The following CFAP44 variants were observed in gnomAD, a reference collection of about 807,000 sequenced individuals.
The protein encoded by CFAP44 is cilia- and flagella-associated protein 44.
A neutral mutation model predicts 216.2 loss-of-function variants in CFAP44; 134 were observed. The ratio of observed to expected loss-of-function variants is 0.62; its 90% CI spans 0.54 to 0.72. CFAP44 has a LOEUF of 0.72. Among genes scored for constraint, CFAP44 ranks in the 30% least tolerant of loss-of-function variants. The pLI is 0.00. For synonymous variants in CFAP44, 700 were observed against 727.6 expected (o/e 0.96, Z 0.61); for missense variants, 2,035 against 2,182.1 (o/e 0.93, Z 1.34).
chr3:113,419,026 C>A (rs1184597653), intron 5 of CFAP44, among the ~76,000 whole-genome samples: 1 of 152,150 alleles, frequency 6.6e-6, no homozygotes, highest in Non-Finnish European at 1.5e-5. Context: ...CTTGACCACA[C>A]TACACCTCTG....
At chr3:113,395,291 G>T (rs1933958771) in intron 15 of CFAP44, among the ~76,000 whole-genome samples, 2 of 152,124 alleles carry the variant, frequency 1.3e-5, no homozygotes, top group African/African-American at 4.8e-5. Context: ...TAAGAAAGAA[G>T]AAATAAAAGG....
chr3:113,311,523 A>G (rs1034668804), intron 28 of CFAP44, among the ~76,000 whole-genome samples: 4 of 152,138 alleles, frequency 2.6e-5, no homozygotes, highest in African/African-American at 9.7e-5. Flanking sequence ...CATGTTTCTG[A>G]GGCATCCCCA....
chr3:113,429,017 A>G (rs1487512550), intron 2 of CFAP44: 4 of 152,280 alleles, frequency 2.6e-5, no homozygotes, highest in African/African-American at 9.6e-5. Flanking sequence ...TGAGAACACT[A>G]TAAGAAAGCC....
At chr3:113,308,299 G>C in intron 28 of CFAP44, 31 bp from the exon 29 acceptor site, 1 of 1,474,222 alleles carries the variant, frequency 6.8e-7, no homozygotes, top group East Asian at 2.5e-5. Context: ...TGTTAACAAA[G>C]AAGCTTCTAT....
intron 32 of CFAP44, among the ~76,000 whole-genome samples, chr3:113,302,839 G>T (rs1949951978): frequency 6.7e-6 from 1 of 150,258 alleles, no homozygotes; most frequent in Admixed American, 6.6e-5. Context: ...GAGATTTGCA[G>T]TGCATTCAAT....
intron 16 of CFAP44, 36 bp from the exon 17 acceptor site, chr3:113,379,587 T>C: frequency 6.7e-7 from 1 of 1,488,122 alleles, no homozygotes; most frequent in Non-Finnish European, 9.2e-7. Context: ...ATAAAAACAA[T>C]TATGACTCAT....
chr3:113,308,462 G>A (rs1950007072), intron 28 of CFAP44, among the ~76,000 whole-genome samples, 194 bp from the exon 29 acceptor site: 1 of 152,208 alleles, frequency 6.6e-6, no homozygotes. Flanking sequence ...ATCAATGCAA[G>A]TCAGAGGCTG....
At chr3:113,384,929 G>T (rs566972854) in intron 15 of CFAP44, among the ~76,000 whole-genome samples, 2 of 152,162 alleles carry the variant, frequency 1.3e-5, no homozygotes, top group Non-Finnish European at 2.9e-5. Context: ...ATATGGTTTG[G>T]CTGTGTCCCC....
At chr3:113,437,762 G>A (rs1477726530) in intron 1 of CFAP44, among the ~76,000 whole-genome samples, 1 of 152,146 alleles carries the variant, frequency 6.6e-6, no homozygotes, top group African/African-American at 2.4e-5. Flanking sequence ...AACTGGTAAG[G>A]TAGAATAAGG....
chr3:113,358,914 T>C, intron 21 of CFAP44, 39 bp from the exon 22 acceptor site: 30 of 1,520,536 alleles, frequency 2.0e-5, no homozygotes, highest in Non-Finnish European at 2.6e-5. Context: ...ATGGGTACTG[T>C]ATCAACTCTG....
At chr3:113,311,283 C>T (rs969574731) in intron 28 of CFAP44, among the ~76,000 whole-genome samples, 2 of 152,204 alleles carry the variant, frequency 1.3e-5, no homozygotes, top group Non-Finnish European at 2.9e-5. Flanking sequence ...TGGTTTGGCT[C>T]TGTGTCCCTA....
intron 13 of CFAP44, 111 bp from the exon 14 acceptor site, chr3:113,396,838 G>A: frequency 9.3e-7 from 1 of 1,080,500 alleles, no homozygotes; most frequent in South Asian, 1.6e-5. Context: ...CTGCCCATTG[G>A]CAATTCTTTA....
At chr3:113,376,337 T>G (rs1017986235) in intron 17 of CFAP44, among the ~76,000 whole-genome samples, 1 of 152,194 alleles carries the variant, frequency 6.6e-6, no homozygotes, top group African/African-American at 2.4e-5. Flanking sequence ...TCAAGTTGGA[T>G]ATACAAGTCT....
chr3:113,363,079 A>T, intron 21 of CFAP44, 66 bp downstream of exon 21: 1 of 1,440,788 alleles, frequency 6.9e-7, no homozygotes. Flanking sequence ...ACTTGTTGGG[A>T]AAATAGTCAT....
At chr3:113,359,777 T>C (rs1950520853) in intron 21 of CFAP44, among the ~76,000 whole-genome samples, 1 of 151,774 alleles carries the variant, frequency 6.6e-6, no homozygotes, top group Non-Finnish European at 1.5e-5. Flanking sequence ...AGGTACAAAA[T>C]GAAAAAAAGC....
intron 13 of CFAP44, among the ~76,000 whole-genome samples, chr3:113,399,420 T>G (rs554481189): frequency 6.6e-6 from 1 of 151,968 alleles, no homozygotes; most frequent in African/African-American, 2.4e-5. Context: ...ATAGTTCTTA[T>G]AATTATCTAA....
rs1175542135 is a variant in CFAP44, at chr3:113,407,049, C to T, written c.891-8G>A. 1.9e-6 allele frequency: 3 copies of T among 1,600,228 alleles called. No individual in the cohort carries two copies. Among genetic ancestry groups the T allele is most frequent in the African/African-American group, 1.3e-5 (1 of 74,754 alleles). ...AAAGCCATTTCCCAGAACCTACAAACAAGAAAGAGACTGAATGTACCTCAA... is the reference window on the plus strand; with the variant it reads ...AAAGCCATTTCCCAGAACCTACAAATAAGAAAGAGACTGAATGTACCTCAA... On this transcript the variant is annotated splice_region_variant and splice_polypyrimidine_tract_variant and intron_variant, in intron 7 of 34. Transcript: ENST00000393845.
At chr3:113,421,275 C>A (rs1209228467) in intron 4 of CFAP44, among the ~76,000 whole-genome samples, 1 of 152,138 alleles carries the variant, frequency 6.6e-6, no homozygotes, top group Non-Finnish European at 1.5e-5. Context: ...AGATGCAAAT[C>A]AAAACCACAA....
At chr3:113,427,524 G>A (rs1178072061) in intron 2 of CFAP44, 185 bp from the exon 3 acceptor site, 2 of 498,716 alleles carry the variant, frequency 4.0e-6, no homozygotes, top group African/African-American at 4.1e-5. Flanking sequence ...AGCCTTTTCT[G>A]TTTGTTAATC....
Sources: allele counts gnomAD v4.1 joint callset (sites outside exome capture counted in the v4.1 genomes callset), GRCh38; gene constraint gnomAD v4.1.1; transcripts MANE v1.5; gene names NCBI Gene and HGNC (gene_info 2026-07-23, HGNC 2026-07-21).